Variants in SQOR observed in about 807,000 individuals in gnomAD.
The protein encoded by SQOR is sulfide quinone oxidoreductase, also known as sulfide:quinone oxidoreductase, mitochondrial.
Under a neutral mutation model 48.6 loss-of-function variants are expected in SQOR, and 39 were observed. That is an observed-to-expected ratio of 0.80 (90% confidence interval 0.62 to 1.05). SQOR has a LOEUF of 1.05. Among genes scored for constraint, SQOR ranks in the 50% least tolerant of loss-of-function variants. The pLI is 0.00. For missense variants in SQOR, 561 were observed against 559.9 expected (o/e 1.00, Z -0.02); for synonymous variants, 220 against 206.2 (o/e 1.07, Z -0.57).
intron 1 of SQOR, among the ~76,000 whole-genome samples, chr15:45,640,543 G>A (rs985337650): frequency 4.6e-5 from 7 of 152,228 alleles, no homozygotes; most frequent in Non-Finnish European, 1.0e-4. Flanking sequence ...AAAGGATTGA[G>A]TTTAGAGTCT....
intron 1 of SQOR, among the ~76,000 whole-genome samples, chr15:45,640,203 T>G (rs906223772): frequency 6.6e-6 from 1 of 152,222 alleles, no homozygotes; most frequent in African/African-American, 2.4e-5. Context: ...ACATCTCTGA[T>G]CAATCTAAGG....
chr15:45,666,889 C>T (rs1889834660), intron 3 of SQOR, among the ~76,000 whole-genome samples: 1 of 54,782 alleles, frequency 1.8e-5, no homozygotes, highest in Non-Finnish European at 3.7e-5. Context: ...CCTTTCTCCT[C>T]CTCTCCCCTC....
At chr15:45,664,210 T>C (rs750482742) in intron 3 of SQOR, among the ~76,000 whole-genome samples, 32 of 152,214 alleles carry the variant, frequency 2.1e-4, no homozygotes, top group Non-Finnish European at 4.6e-4. Flanking sequence ...AGTTCTGTCT[T>C]CACTGAGCCA....
intron 2 of SQOR, among the ~76,000 whole-genome samples, chr15:45,660,553 C>T (rs943171341): frequency 6.6e-6 from 1 of 152,180 alleles, no homozygotes; most frequent in East Asian, 1.9e-4. Context: ...TGTCCTGCCC[C>T]GTGAGGAAGT....
intron 4 of SQOR, among the ~76,000 whole-genome samples, chr15:45,670,266 A>G (rs1889915097): frequency 6.6e-6 from 1 of 152,254 alleles, no homozygotes; most frequent in Non-Finnish European, 1.5e-5. Flanking sequence ...CATTTGTAAG[A>G]AACATGTCTT....
At chr15:45,633,666 C>A (rs999661972), upstream of SQOR, among the ~76,000 whole-genome samples, 2 of 146,822 alleles carry the variant, frequency 1.4e-5, no homozygotes, top group Middle Eastern at 3.4e-3. Context: ...TGCACTCCAG[C>A]CTGGGAGACG....
intron 1 of SQOR, among the ~76,000 whole-genome samples, chr15:45,641,580 C>T (rs995582878): frequency 7.9e-5 from 12 of 152,176 alleles, no homozygotes; most frequent in African/African-American, 2.9e-4. Flanking sequence ...GTGAAGATTG[C>T]TCCATTTTCT....
chr15:45,648,433 C>T (rs1467762567), intron 1 of SQOR, among the ~76,000 whole-genome samples: 2 of 152,172 alleles, frequency 1.3e-5, no homozygotes, highest in Non-Finnish European at 2.9e-5. Flanking sequence ...ACCTTGGCCT[C>T]GCAAAGTGCT....
chr15:45,686,974 A>C (rs543849616), intron 7 of SQOR, among the ~76,000 whole-genome samples: 28 of 150,866 alleles, frequency 1.9e-4, no homozygotes, highest in African/African-American at 6.3e-4. Flanking sequence ...CGCCTGGCTA[A>C]TTTTTTGTAT....
At chr15:45,637,779 G>C (rs139749168) in intron 1 of SQOR, among the ~76,000 whole-genome samples, 14 of 152,162 alleles carry the variant, frequency 9.2e-5, no homozygotes, top group African/African-American at 3.1e-4. Context: ...TTGTTAATCC[G>C]ATGTGTTGTA....
intron 7 of SQOR, among the ~76,000 whole-genome samples, chr15:45,685,025 T>G (rs1478973674): frequency 6.6e-6 from 1 of 152,218 alleles, no homozygotes; most frequent in Non-Finnish European, 1.5e-5. Context: ...CCAACCATTT[T>G]TATTCAAACA....
chr15:45,669,833 C>G, intron 3 of SQOR, 95 bp from the exon 4 acceptor site: 1 of 1,057,430 alleles, frequency 9.5e-7, no homozygotes, highest in Non-Finnish European at 1.5e-6. Context: ...CCCTGCCTCC[C>G]TTAGACCACA....
At chr15:45,649,698 G>A (rs1889427577) in intron 1 of SQOR, among the ~76,000 whole-genome samples, 1 of 152,156 alleles carries the variant, frequency 6.6e-6, no homozygotes, top group South Asian at 2.1e-4. Flanking sequence ...GGCCAGGCTA[G>A]TCTCAAACTC....
chr15:45,632,922 A>G (rs1566911681), upstream of SQOR, among the ~76,000 whole-genome samples: 1 of 151,174 alleles, frequency 6.6e-6, no homozygotes, highest in African/African-American at 2.4e-5. Flanking sequence ...TAGGCAATGT[A>G]GTGAGATCTC....
Position 45,688,398 on chromosome 15 carries a change from AAAG to A in SQOR, c.1114_1116del (p.Lys372del), listed in dbSNP as rs763205101. On this transcript the variant is annotated inframe_deletion, in exon 8 of 10. Coordinates refer to ENST00000260324, the MANE Select transcript of SQOR (RefSeq NM_021199.4). The stretch of plus-strand genomic sequence containing the variant: ...TAATTATGAAGAATCAAACACCAAC[AAAG>A]AAGGTTTGTATGCCTTGTAAGAATC... The A allele has an allele frequency of 2.0e-5, 32 of 1,603,852 alleles. No homozygotes were observed. Among genetic ancestry groups the A allele is most frequent in the Non-Finnish European group, 2.6e-5 (31 of 1,174,276 alleles).
intron 7 of SQOR, 89 bp from the exon 8 acceptor site, chr15:45,688,245 ATCT>A: frequency 1.2e-6 from 1 of 861,472 alleles, no homozygotes; most frequent in African/African-American, 1.7e-5. Flanking sequence ...GGGAAATGGA[ATCT>A]TCTTGTTTAC....
intron 2 of SQOR, 120 bp downstream of exon 2, chr15:45,659,277 G>A: frequency 1.3e-6 from 1 of 765,044 alleles, no homozygotes; most frequent in Non-Finnish European, 1.9e-6. Context: ...ATATGTTCAG[G>A]TTAGGGCTTC....
intron 2 of SQOR, among the ~76,000 whole-genome samples, chr15:45,660,210 G>A (rs1303861454): frequency 6.6e-6 from 1 of 152,168 alleles, no homozygotes; most frequent in African/African-American, 2.4e-5. Context: ...AAGCAAAATG[G>A]ATCAGGTGCC....
At chr15:45,673,948 A>C in intron 5 of SQOR, 147 bp downstream of exon 5, 1 of 750,854 alleles carries the variant, frequency 1.3e-6, no homozygotes, top group South Asian at 1.9e-5. Flanking sequence ...CTGGAAGTTT[A>C]TAAAATATAA....
Sources: gnomAD v4.1 joint callset for allele counts (sites outside exome capture counted in the v4.1 genomes callset) on GRCh38, gnomAD v4.1.1 for gene constraint, MANE v1.5 for transcripts, NCBI Gene and HGNC (gene_info 2026-07-23, HGNC 2026-07-21) for gene names.